The following STK33 variants were observed in gnomAD, a reference collection of about 807,000 sequenced individuals.
STK33 encodes the protein serine/threonine-protein kinase 33.
Under a neutral mutation model 58.0 loss-of-function variants are expected in STK33, and 52 were observed. That is an observed-to-expected ratio of 0.90 (90% confidence interval 0.72 to 1.13). The LOEUF (loss-of-function observed/expected upper bound fraction) is 1.13, where lower values mean the gene tolerates loss of function less well. Ranked by LOEUF, STK33 falls within the 50% of genes most tolerant of loss-of-function variation. STK33 has a pLI of 0.00. For synonymous variants in STK33, 215 were observed against 200.1 expected, an observed-to-expected ratio of 1.07 and a Z score of -0.63; for missense variants, 630 against 604.2, an observed-to-expected ratio of 1.04 and a Z score of -0.45.
intron 1 of STK33, among the ~76,000 whole-genome samples, chr11:8,543,372 A>G (rs1955671966): frequency 6.6e-6 from 1 of 152,242 alleles, no homozygotes; most frequent in Admixed American, 6.5e-5. Flanking sequence ...TTTCAAATTT[A>G]CAAGTCAAAA....
chr11:8,590,467 A>G (rs1331425529), intron 1 of STK33, among the ~76,000 whole-genome samples: 1 of 152,166 alleles, frequency 6.6e-6, no homozygotes. Context: ...TATCTTTATC[A>G]ATAGAAAATT....
At chr11:8,494,554 G>C (rs375830355) in intron 1 of STK33, among the ~76,000 whole-genome samples, 11 of 152,074 alleles carry the variant, frequency 7.2e-5, no homozygotes, top group African/African-American at 1.7e-4. Context: ...CCATCCCCAT[G>C]AAGCTACCAA....
downstream of STK33, among the ~76,000 whole-genome samples, chr11:8,387,682 T>C (rs143159414): frequency 3.1e-3 from 468 of 152,294 alleles, 6 homozygotes; most frequent in South Asian, 0.028. Context: ...AGACTTTGAT[T>C]CTAGTAACTA....
At chr11:8,565,121 C>T (rs1957359959) in intron 1 of STK33, among the ~76,000 whole-genome samples, 1 of 151,858 alleles carries the variant, frequency 6.6e-6, no homozygotes, top group South Asian at 2.1e-4. Flanking sequence ...ACAGAGAGAA[C>T]ACCTAGTAAG....
chr11:8,517,600 T>G (rs985116464), intron 1 of STK33, among the ~76,000 whole-genome samples: 1 of 152,144 alleles, frequency 6.6e-6, no homozygotes, highest in African/African-American at 2.4e-5. Flanking sequence ...GAAAAAAGAT[T>G]AGACGAATGG....
At chr11:8,363,248 A>C in the STK33 span, among the ~76,000 whole-genome samples, 1 of 152,328 alleles carries the variant, frequency 6.6e-6, no homozygotes, top group South Asian at 2.1e-4. Flanking sequence ...ATACTGTCAA[A>C]TTCTTGAAGA....
At chr11:8,549,721 T>C (rs1197313937) in intron 1 of STK33, among the ~76,000 whole-genome samples, 1 of 152,094 alleles carries the variant, frequency 6.6e-6, no homozygotes, top group Non-Finnish European at 1.5e-5. Flanking sequence ...AGGTTATGTA[T>C]ATAGGAATTT....
chr11:8,408,879 T>C (rs765839793), intron 15 of STK33, among the ~76,000 whole-genome samples: 5 of 152,216 alleles, frequency 3.3e-5, no homozygotes, highest in Non-Finnish European at 7.3e-5. Flanking sequence ...CCCCCTGCAA[T>C]TAGTTGTGAC....
the STK33 span, among the ~76,000 whole-genome samples, chr11:8,362,923 T>TCCTTTCCTCCCTC: frequency 6.8e-6 from 1 of 147,534 alleles, no homozygotes; most frequent in South Asian, 2.2e-4. Flanking sequence ...CCTTCCTCCC[T>TCCTTTCCTCCCTC]CCTTTCCTTT....
intron 1 of STK33, among the ~76,000 whole-genome samples, chr11:8,584,665 C>CAGCT (rs1388200367): frequency 1.3e-5 from 2 of 152,144 alleles, no homozygotes; most frequent in Non-Finnish European, 2.9e-5. Context: ...CCTTCTCCAA[C>CAGCT]AGCTCTCTCT....
chr11:8,338,977 A>G, the STK33 span, among the ~76,000 whole-genome samples: 1 of 152,220 alleles, frequency 6.6e-6, no homozygotes, highest in Non-Finnish European at 1.5e-5. Flanking sequence ...AGGCCCATAA[A>G]GAAATGGACC....
intron 2 of STK33, 44 bp downstream of exon 2, chr11:8,480,366 A>G (rs1428836501): frequency 6.6e-6 from 1 of 152,224 alleles, no homozygotes; most frequent in Non-Finnish European, 1.5e-5. Flanking sequence ...ATCATCTGAG[A>G]TGTAGCAGAC....
At chr11:8,541,091 T>C (rs1042488864) in intron 1 of STK33, among the ~76,000 whole-genome samples, 1 of 151,688 alleles carries the variant, frequency 6.6e-6, no homozygotes, top group African/African-American at 2.4e-5. Flanking sequence ...CATTTTACAA[T>C]GGAAAATAGA....
intron 15 of STK33, among the ~76,000 whole-genome samples, chr11:8,413,283 C>G (rs1282490155): frequency 6.6e-6 from 1 of 152,206 alleles, no homozygotes; most frequent in Non-Finnish European, 1.5e-5. Flanking sequence ...TTTGCAGACA[C>G]CTGCCCTACA....
intron 15 of STK33, among the ~76,000 whole-genome samples, chr11:8,401,934 T>C (rs993366416): frequency 2.0e-5 from 3 of 152,036 alleles, no homozygotes; most frequent in African/African-American, 7.2e-5. Flanking sequence ...TCACACCAGT[T>C]AGAATGGCGA....
chr11:8,503,331 T>C (rs919311070), intron 1 of STK33, among the ~76,000 whole-genome samples: 2 of 152,022 alleles, frequency 1.3e-5, no homozygotes, highest in South Asian at 4.2e-4. Flanking sequence ...CATAGATGGA[T>C]TGGAGGCCAT....
At chr11:8,456,524 A>G (rs568707940) in intron 9 of STK33, among the ~76,000 whole-genome samples, 1 of 152,322 alleles carries the variant, frequency 6.6e-6, no homozygotes, top group South Asian at 2.1e-4. Context: ...TATCAGCTGG[A>G]TGAACCACTG....
At chr11:8,394,095 C>T (rs1848947998) in intron 15 of STK33, among the ~76,000 whole-genome samples, 1 of 152,026 alleles carries the variant, frequency 6.6e-6, no homozygotes, top group African/African-American at 2.4e-5. Context: ...GTTCTTTTCC[C>T]CCCTAAGCAA....
intron 14 of STK33, among the ~76,000 whole-genome samples, chr11:8,429,039 A>G (rs1176089659): frequency 1.3e-5 from 2 of 152,168 alleles, no homozygotes; most frequent in Non-Finnish European, 2.9e-5. Context: ...AAAATATTAC[A>G]TTAGGATAAA....
Sources: gnomAD v4.1 joint callset for allele counts (sites outside exome capture counted in the v4.1 genomes callset) on GRCh38, gnomAD v4.1.1 for gene constraint, MANE v1.5 for transcripts, NCBI Gene and HGNC (gene_info 2026-07-23, HGNC 2026-07-21) for gene names.